ATRNL1: variants seen among roughly 807,000 people sequenced by gnomAD.
The protein encoded by ATRNL1 is attractin like 1.
In ATRNL1, 95 loss-of-function variants were observed where a neutral mutation model predicts 182.7. That is an observed-to-expected ratio of 0.52 (90% confidence interval 0.44 to 0.62). The LOEUF is 0.62. ATRNL1 is among the 20% of genes least tolerant of loss of function. The probability of loss-of-function intolerance (pLI) is 0.00; values close to 1 mark genes in which losing one functional copy is unlikely to be tolerated. For missense variants in ATRNL1, 1,471 were observed against 1,679.5 expected (o/e 0.88, Z 2.17); for synonymous variants, 576 against 568.3 (o/e 1.01, Z -0.19).
At chr10:115,655,170 T>A (rs975725318) in intron 26 of ATRNL1, among the ~76,000 whole-genome samples, 5 of 152,182 alleles carry the variant, frequency 3.3e-5, no homozygotes, top group Admixed American at 3.3e-4. Flanking sequence ...AGAGATGAGC[T>A]ACCTATCCAA....
chr10:115,156,641 C>G (rs1384408906), intron 5 of ATRNL1, among the ~76,000 whole-genome samples: 2 of 152,052 alleles, frequency 1.3e-5, no homozygotes, highest in African/African-American at 4.8e-5. Context: ...TTTTTTAAAA[C>G]TGTGCATAAC....
intron 18 of ATRNL1, among the ~76,000 whole-genome samples, chr10:115,325,509 CT>C (rs35351928): frequency 6.6e-6 from 1 of 152,124 alleles, no homozygotes; most frequent in Non-Finnish European, 1.5e-5. Context: ...AATTACCAGA[CT>C]TTTTTCAGCA....
chr10:115,500,033 G>A (rs1432499237), intron 24 of ATRNL1, among the ~76,000 whole-genome samples: 2 of 152,138 alleles, frequency 1.3e-5, no homozygotes, highest in South Asian at 2.1e-4. Flanking sequence ...TTTTTTGCAG[G>A]TGTTGAAGAC....
At chr10:115,789,749 T>C (rs1949482072) in intron 27 of ATRNL1, among the ~76,000 whole-genome samples, 1 of 152,228 alleles carries the variant, frequency 6.6e-6, no homozygotes, top group Non-Finnish European at 1.5e-5. Flanking sequence ...CCCTGCTTCC[T>C]ACGCCAGGGC....
In ATRNL1 at chr10:115,944,708, G is replaced by T. The variant is rs782372375; in HGVS notation, c.4069G>T (p.Asp1357Tyr). 1 of 1,613,538 alleles carries T rather than the reference G, an allele frequency of 6.2e-7. No individual in the cohort carries two copies. The highest frequency in any genetic ancestry group is 1.1e-5 in the South Asian group (1 of 90,994). ...AGATATTTCACAACAGAAAGCTTCA[G>T]ATAGTAAAGATAAGACTTCTGGAGT... ...LIDISQQKAS[D>Y]SKDKTSGVRN... Residue 1357 changes from aspartate (D) to tyrosine (Y), a missense_variant, in exon 29 of 29, where the codon GAT (aspartate) becomes TAT (tyrosine). Around this residue, in one of 3 missense-constraint regions of ATRNL1, gnomAD observed 437 missense variants for 506.0 expected, o/e 0.86. Transcript: ENST00000355044.
At chr10:115,792,286 TTG>T in intron 27 of ATRNL1, among the ~76,000 whole-genome samples, 1 of 152,210 alleles carries the variant, frequency 6.6e-6, no homozygotes, top group African/African-American at 2.4e-5. Flanking sequence ...CACCTTTCTT[TTG>T]TACGCTACAG....
At chr10:115,098,692 C>T (rs1416135396) in intron 1 of ATRNL1, among the ~76,000 whole-genome samples, 3 of 151,688 alleles carry the variant, frequency 2.0e-5, no homozygotes, top group Non-Finnish European at 2.9e-5. Context: ...CTCCTGACCT[C>T]GTGATCCACC....
intron 26 of ATRNL1, among the ~76,000 whole-genome samples, chr10:115,676,401 A>G (rs1945862318): frequency 1.3e-5 from 2 of 152,080 alleles, no homozygotes; most frequent in East Asian, 3.9e-4. Context: ...TCTGCAATAC[A>G]TGTCTTATAT....
At chr10:115,663,135 A>C (rs1860794422) in intron 26 of ATRNL1, among the ~76,000 whole-genome samples, 1 of 152,088 alleles carries the variant, frequency 6.6e-6, no homozygotes, top group Admixed American at 6.6e-5. Context: ...TTAAGTGCTC[A>C]ATATACATTA....
intron 26 of ATRNL1, among the ~76,000 whole-genome samples, chr10:115,578,975 G>A (rs1180582974): frequency 6.6e-6 from 1 of 151,494 alleles, no homozygotes; most frequent in Non-Finnish European, 1.5e-5. Flanking sequence ...CATTTCCAAA[G>A]CATTTGGTTT....
At chr10:115,416,457 G>A (rs562111176) in intron 20 of ATRNL1, among the ~76,000 whole-genome samples, 2 of 151,982 alleles carry the variant, frequency 1.3e-5, no homozygotes, top group Admixed American at 6.6e-5. Flanking sequence ...TTTCTAATTT[G>A]CTTTTTTGAG....
chr10:115,151,598 T>A (rs1326897157), intron 5 of ATRNL1, among the ~76,000 whole-genome samples: 52 of 152,268 alleles, frequency 3.4e-4, no homozygotes, highest in Non-Finnish European at 6.6e-4. Flanking sequence ...GTTGGAGTTC[T>A]TTGTAGATTC....
At chr10:115,904,501 A>G (rs964861120) in intron 28 of ATRNL1, among the ~76,000 whole-genome samples, 5 of 152,178 alleles carry the variant, frequency 3.3e-5, no homozygotes, top group African/African-American at 7.2e-5. Context: ...TGGGATCACT[A>G]TAGACAGTGT....
intron 28 of ATRNL1, among the ~76,000 whole-genome samples, chr10:115,888,846 G>A (rs1952013526): frequency 6.6e-6 from 1 of 152,150 alleles, no homozygotes; most frequent in East Asian, 1.9e-4. Flanking sequence ...AGCATGGAGA[G>A]GCCTCCCAGT....
intron 27 of ATRNL1, among the ~76,000 whole-genome samples, chr10:115,775,682 C>T (rs953777944): frequency 6.6e-6 from 1 of 152,044 alleles, no homozygotes; most frequent in Admixed American, 6.6e-5. Flanking sequence ...ATGGGCCAAG[C>T]ACGATGGCTC....
rs1417949329 is a variant in ATRNL1 at position 115,948,580 on chromosome 10, T to G, written c.*3801T>G. ...GGGTAGGCCCTGGAGAGCAGTACTC[T>G]TAACAAGCTCCTCAGTGCTTCTTAC... is the stretch of plus-strand genomic sequence containing the variant. On this transcript the variant is annotated 3_prime_UTR_variant, in exon 29 of 29. Transcript: ENST00000355044. 6.6e-6 allele frequency: 1 copy of G among 152,214 alleles called. No homozygotes were observed. Among genetic ancestry groups the G allele is most frequent in the Admixed American group, 6.5e-5 (1 of 15,278 alleles). The allele number at this position is 152,214 out of a possible 1,614,324, so 9.4% of individuals were successfully genotyped here. A position where few individuals can be genotyped will look rare whatever the true frequency, so the allele number is the denominator to read the frequency against.
chr10:115,375,075 T>C (rs1554949152), intron 19 of ATRNL1, among the ~76,000 whole-genome samples: 11 of 151,784 alleles, frequency 7.2e-5, no homozygotes, highest in Non-Finnish European at 1.5e-5. Context: ...AAAGCAAGGG[T>C]ATTCAAGTCC....
intron 26 of ATRNL1, among the ~76,000 whole-genome samples, chr10:115,722,108 A>G (rs1555057920): frequency 6.6e-6 from 1 of 152,212 alleles, no homozygotes; most frequent in Non-Finnish European, 1.5e-5. Flanking sequence ...CATTTGACAA[A>G]GAAATTTCAA....
chr10:115,310,122 T>C (rs1004966289), intron 17 of ATRNL1, among the ~76,000 whole-genome samples: 1 of 152,222 alleles, frequency 6.6e-6, no homozygotes, highest in Non-Finnish European at 1.5e-5. Context: ...ATATCACTTT[T>C]GTTTTTAATT....
Sources: gnomAD v4.1 joint callset for allele counts (sites outside exome capture counted in the v4.1 genomes callset) on GRCh38, gnomAD v4.1.1 for gene constraint, gnomAD v4.1.1 regional missense constraint, MANE v1.5 for transcripts, NCBI Gene and HGNC (gene_info 2026-07-23, HGNC 2026-07-21) for gene names.